MYO3A: variants seen among roughly 807,000 people sequenced by gnomAD.
MYO3A encodes the protein myosin-IIIa.
A neutral mutation model predicts 192.7 loss-of-function variants in MYO3A; 180 were observed. The observed-to-expected ratio is 0.93, with a 90% CI of 0.83 to 1.06. The LOEUF (loss-of-function observed/expected upper bound fraction) is 1.06. MYO3A is among the 50% of genes least tolerant of loss of function. MYO3A has a pLI of 0.00. For synonymous variants in MYO3A, 628 were observed against 645.3 expected (o/e 0.97, Z 0.41); for missense variants, 1,896 against 1,905.0 (o/e 1.00, Z 0.09).
At chr10:26,012,711 A>G (rs1030241156) in intron 6 of MYO3A, among the ~76,000 whole-genome samples, 6 of 152,146 alleles carry the variant, frequency 3.9e-5, no homozygotes, top group Non-Finnish European at 7.4e-5. Context: ...AAATACCAAT[A>G]TTATTTTTCA....
At chr10:26,107,448 T>G (rs1365935743) in intron 17 of MYO3A, among the ~76,000 whole-genome samples, 1 of 132,228 alleles carries the variant, frequency 7.6e-6, no homozygotes, top group Admixed American at 8.8e-5. Context: ...ACCATTGCAC[T>G]CCAGCCTGGG....
chr10:25,966,970 A>G (rs1225810427), intron 4 of MYO3A, among the ~76,000 whole-genome samples: 3 of 152,206 alleles, frequency 2.0e-5, no homozygotes. Flanking sequence ...GGCGAACACT[A>G]CAATTACCTC....
chr10:26,004,517 C>T (rs1841058132), intron 6 of MYO3A, among the ~76,000 whole-genome samples: 1 of 151,792 alleles, frequency 6.6e-6, no homozygotes, highest in Admixed American at 6.6e-5. Flanking sequence ...CTAGCTAATT[C>T]CACTAACAGG....
intron 31 of MYO3A, among the ~76,000 whole-genome samples, chr10:26,190,193 A>G (rs866962026): frequency 2.0e-5 from 3 of 152,250 alleles, no homozygotes; most frequent in African/African-American, 7.2e-5. Context: ...AGTGATTGCA[A>G]TGGCAAATGA....
At chr10:26,092,405 G>T (rs753848572) in intron 15 of MYO3A, among the ~76,000 whole-genome samples, 9 of 151,920 alleles carry the variant, frequency 5.9e-5, no homozygotes, top group Non-Finnish European at 1.2e-4. Flanking sequence ...GGCAGAGCTT[G>T]CAGTGAGCCA....
intron 29 of MYO3A, among the ~76,000 whole-genome samples, chr10:26,171,722 G>T (rs1477076333): frequency 6.6e-6 from 1 of 152,188 alleles, no homozygotes; most frequent in Non-Finnish European, 1.5e-5. Context: ...CCTGCCTCAG[G>T]AGCAGGAGGC....
At position 26,153,946 on chromosome 10, in the gene MYO3A, T is replaced by G; in HGVS notation, c.2715+17T>G. ...CTGGCAAAGGTAAGAAAATGCTTTTTTTCTTGGCAGTGAGTCTAAGAATCT... is the reference window on the plus strand; with the variant it reads ...CTGGCAAAGGTAAGAAAATGCTTTTGTTCTTGGCAGTGAGTCTAAGAATCT... On this transcript the variant is annotated intron_variant, in intron 24 of 34. Coordinates refer to ENST00000642920, the MANE Select transcript of MYO3A (RefSeq NM_017433.5). The G allele has an allele frequency of 6.5e-7, 1 of 1,536,988 alleles. No homozygotes were observed. The highest frequency in any genetic ancestry group is 9.0e-7 in the Non-Finnish European group (1 of 1,110,650).
intron 8 of MYO3A, chr10:26,022,099 A>G (rs1338825964): frequency 6.5e-6 from 1 of 153,284 alleles, no homozygotes; most frequent in Admixed American, 6.5e-5. Context: ...CCAGAAAATA[A>G]TGGTTTTAAA....
At chr10:26,008,480 C>A (rs1283419464) in intron 6 of MYO3A, among the ~76,000 whole-genome samples, 1 of 148,058 alleles carries the variant, frequency 6.8e-6, no homozygotes, top group African/African-American at 2.6e-5. Context: ...TCGCAACCTA[C>A]TCGTCTGACA....
rs1192847134 is a variant in MYO3A, at chr10:26,008,452, C to A, written c.509-8368C>A. Among the ~76,000 whole-genome samples, 4 of 148,196 alleles carry A rather than the reference C, an allele frequency of 2.7e-5. No individual in the cohort carries two copies. In the South Asian group the frequency reaches 6.3e-4, roughly 23 times the overall value. ...ACCATCAGAGTGAACAGGCAACCTA[C>A]AAAATGGGAGAAAATTTTCGCAACC... On this transcript the variant is annotated intron_variant, in intron 6 of 34. Transcript: ENST00000642920.
intron 7 of MYO3A, among the ~76,000 whole-genome samples, chr10:26,017,484 A>T (rs1421479959): frequency 6.6e-6 from 1 of 152,052 alleles, no homozygotes; most frequent in Non-Finnish European, 1.5e-5. Context: ...CTTATGAAGG[A>T]CCCTTATTTT....
chr10:26,130,101 T>C (rs1839444934), intron 20 of MYO3A, among the ~76,000 whole-genome samples: 1 of 152,070 alleles, frequency 6.6e-6, no homozygotes, highest in Non-Finnish European at 1.5e-5. Context: ...AATGTTAGTT[T>C]ACAAATTGCT....
chr10:25,981,434 T>G lies in MYO3A; in HGVS notation c.304-15056T>G, dbSNP rs368995186. On this transcript the variant is annotated intron_variant, in intron 4 of 34. Coordinates refer to ENST00000642920, the MANE Select transcript of MYO3A (RefSeq NM_017433.5). ...TTTAGACACAAAAAGGCACATTTTA[T>G]GAATTTGTTTTAAATGATCAATTTA... Among the ~76,000 whole-genome samples the G allele has an allele frequency of 7.9e-5, 12 of 152,302 alleles. No homozygotes were observed. In the East Asian group the frequency reaches 2.1e-3, roughly 27 times the overall value.
At chr10:26,107,904 T>G (rs1224969838) in intron 17 of MYO3A, among the ~76,000 whole-genome samples, 2 of 152,164 alleles carry the variant, frequency 1.3e-5, no homozygotes, top group African/African-American at 4.8e-5. Flanking sequence ...AATTTGATTT[T>G]TATATTTTTA....
At chr10:25,966,058 G>A (rs1455855161) in intron 4 of MYO3A, among the ~76,000 whole-genome samples, 1 of 151,594 alleles carries the variant, frequency 6.6e-6, no homozygotes, top group African/African-American at 2.4e-5. Flanking sequence ...TTAAGAAGGT[G>A]TTTTTTTCTG....
At chr10:26,084,072 A>G (rs1020620131) in intron 14 of MYO3A, among the ~76,000 whole-genome samples, 1 of 152,214 alleles carries the variant, frequency 6.6e-6, no homozygotes, top group Non-Finnish European at 1.5e-5. Flanking sequence ...TATGAGTTAT[A>G]CCTTAGTAAA....
intron 28 of MYO3A, 131 bp from the exon 29 acceptor site, chr10:26,170,285 C>G (rs1841978561): frequency 1.0e-6 from 1 of 962,656 alleles, no homozygotes. Context: ...TTAAGTGAAC[C>G]TGTTCTATTT....
intron 10 of MYO3A, among the ~76,000 whole-genome samples, chr10:26,062,530 A>AAAAAAAAAAAAAAACAAAAACG (rs1554816581): frequency 1.6e-5 from 2 of 126,008 alleles, no homozygotes; most frequent in African/African-American, 5.7e-5. Flanking sequence ...AAAAAAAAAA[A>AAAAAAAAAAAAAAACAAAAACG]AAATTATGGA....
intron 31 of MYO3A, among the ~76,000 whole-genome samples, chr10:26,190,304 C>T (rs151277792): frequency 3.7e-4 from 57 of 152,246 alleles, no homozygotes; most frequent in African/African-American, 1.3e-3. Flanking sequence ...AAGAGGCACA[C>T]GGCAAAGGTG....
Sources: gnomAD v4.1 joint callset for allele counts (sites outside exome capture counted in the v4.1 genomes callset) on GRCh38, gnomAD v4.1.1 for gene constraint, MANE v1.5 for transcripts, NCBI Gene and HGNC (gene_info 2026-07-23, HGNC 2026-07-21) for gene names.